ST6GALNAC5: variants seen among roughly 807,000 people sequenced by gnomAD.
ST6GALNAC5 encodes alpha-N-acetylgalactosaminide alpha-2,6-sialyltransferase 5.
A neutral mutation model predicts 33.6 loss-of-function variants in ST6GALNAC5; 27 were observed. That is an observed-to-expected ratio of 0.80 (90% CI 0.59 to 1.11). The LOEUF is 1.11. Among genes scored for constraint, ST6GALNAC5 ranks in the 50% least tolerant of loss-of-function variants. The probability of loss-of-function intolerance (pLI) is 0.00; values close to 1 mark genes in which losing one functional copy is unlikely to be tolerated. For missense variants in ST6GALNAC5, 428 were observed against 454.0 expected, an observed-to-expected ratio of 0.94 and a Z score of 0.52; for synonymous variants, 194 against 171.2, an observed-to-expected ratio of 1.13 and a Z score of -1.04.
At chr1:77,052,354 G>A (rs1243173535) in intron 4 of ST6GALNAC5, among the ~76,000 whole-genome samples, 3 of 152,186 alleles carry the variant, frequency 2.0e-5, no homozygotes, top group African/African-American at 4.8e-5. Flanking sequence ...GCATTTCCAG[G>A]ACATGTTGAC....
chr1:77,025,799 T>A (rs1651208744), intron 2 of ST6GALNAC5, among the ~76,000 whole-genome samples: 1 of 151,966 alleles, frequency 6.6e-6, no homozygotes, highest in South Asian at 2.1e-4. Flanking sequence ...CTGCCCCTCC[T>A]CCAGGCAGTC....
intron 2 of ST6GALNAC5, among the ~76,000 whole-genome samples, chr1:76,991,702 A>G (rs1227849325): frequency 6.6e-6 from 1 of 152,060 alleles, no homozygotes; most frequent in Non-Finnish European, 1.5e-5. Context: ...GCCCTCCCTT[A>G]TGAATTCTCA....
chr1:76,961,859 C>T (rs546552969), intron 2 of ST6GALNAC5, among the ~76,000 whole-genome samples: 2 of 152,248 alleles, frequency 1.3e-5, no homozygotes, highest in East Asian at 3.9e-4. Context: ...TAATAATGTT[C>T]TTCTCCCTAC....
intron 4 of ST6GALNAC5, among the ~76,000 whole-genome samples, chr1:77,062,377 G>T (rs1051018605): frequency 2.2e-4 from 33 of 152,184 alleles, no homozygotes; most frequent in African/African-American, 7.0e-4. Context: ...AAGGTGAGGA[G>T]TGAACTCAGA....
intron 2 of ST6GALNAC5, among the ~76,000 whole-genome samples, chr1:76,945,067 G>T (rs1377807753): frequency 6.6e-6 from 1 of 152,054 alleles, no homozygotes; most frequent in African/African-American, 2.4e-5. Flanking sequence ...GAGTCAGTGG[G>T]TAAAATGGCT....
intron 2 of ST6GALNAC5, among the ~76,000 whole-genome samples, chr1:76,939,714 CCTT>C (rs1647282839): frequency 6.6e-6 from 1 of 152,056 alleles, no homozygotes; most frequent in Admixed American, 6.6e-5. Flanking sequence ...ATACATTAGA[CCTT>C]CATTCATTCC....
At chr1:76,910,092 G>GT (rs1646896671) in intron 2 of ST6GALNAC5, among the ~76,000 whole-genome samples, 1 of 151,990 alleles carries the variant, frequency 6.6e-6, no homozygotes, top group Non-Finnish European at 1.5e-5. Context: ...GTCTCCCAGT[G>GT]TAACATGTTT....
intron 2 of ST6GALNAC5, among the ~76,000 whole-genome samples, chr1:76,996,081 G>A (rs1649927910): frequency 6.6e-6 from 1 of 152,192 alleles, no homozygotes; most frequent in Non-Finnish European, 1.5e-5. Context: ...TGACAAGCAT[G>A]ATTGTCCCCC....
intron 2 of ST6GALNAC5, among the ~76,000 whole-genome samples, chr1:76,978,284 C>G (rs79962617): frequency 0.018 from 2,815 of 152,234 alleles, 39 homozygotes; most frequent in Middle Eastern, 0.044. Context: ...TTTTTTCACT[C>G]TGATTTTTTT....
intron 2 of ST6GALNAC5, among the ~76,000 whole-genome samples, chr1:77,031,320 T>C (rs1651444483): frequency 6.6e-6 from 1 of 152,238 alleles, no homozygotes. Flanking sequence ...TGTTTACTCA[T>C]GTGTTTCCAG....
chr1:77,045,040 G>T (rs1651962985), intron 3 of ST6GALNAC5, among the ~76,000 whole-genome samples: 1 of 152,144 alleles, frequency 6.6e-6, no homozygotes, highest in Admixed American at 6.5e-5. Context: ...TCATCACTGT[G>T]CTTGGCCCTG....
chr1:77,050,491 A>C (rs1652184691), intron 4 of ST6GALNAC5, 126 bp downstream of exon 4: 1 of 787,300 alleles, frequency 1.3e-6, no homozygotes, highest in African/African-American at 1.7e-5. Context: ...AGCATGTCCC[A>C]AGTTCTCATT....
rs1268101372 is a variant in ST6GALNAC5 at position 77,064,252 on chromosome 1, A to G, written c.*1046A>G. ...GTGATGGGGCCCCAACAGTAGCAGGAACTTTATTTTGGGGAGCCTTATCTA... is the reference window on the plus strand; with the variant it reads ...GTGATGGGGCCCCAACAGTAGCAGGGACTTTATTTTGGGGAGCCTTATCTA... On this transcript the variant is annotated 3_prime_UTR_variant, in exon 5 of 5. Transcript: ENST00000477717. 6 of 152,032 alleles carry G rather than the reference A, an allele frequency of 3.9e-5. No homozygotes were observed. Among genetic ancestry groups the G allele is most frequent in the Non-Finnish European group, 5.9e-5 (4 of 68,006 alleles). 9.4% of individuals were successfully genotyped at this position (152,032 alleles called of 1,614,324 possible).
intron 2 of ST6GALNAC5, among the ~76,000 whole-genome samples, chr1:77,030,552 T>C (rs1442621597): frequency 6.6e-6 from 1 of 151,990 alleles, no homozygotes; most frequent in Non-Finnish European, 1.5e-5. Flanking sequence ...CTCCAGGGAG[T>C]TGGAATCCAG....
chr1:76,933,900 T>C (rs1315886632), intron 2 of ST6GALNAC5, among the ~76,000 whole-genome samples: 1 of 151,798 alleles, frequency 6.6e-6, no homozygotes, highest in Admixed American at 6.6e-5. Flanking sequence ...GCAACAGGAC[T>C]CTCTCCTGCC....
At chr1:76,929,215 C>G (rs1647113240) in intron 2 of ST6GALNAC5, among the ~76,000 whole-genome samples, 3 of 151,950 alleles carry the variant, frequency 2.0e-5, no homozygotes, top group Admixed American at 1.3e-4. Flanking sequence ...AATCAAATCT[C>G]CCCTCATATT....
chr1:77,051,023 C>A (rs1380057404), intron 4 of ST6GALNAC5, among the ~76,000 whole-genome samples: 1 of 152,110 alleles, frequency 6.6e-6, no homozygotes, highest in Admixed American at 6.6e-5. Flanking sequence ...AATAGTGAGA[C>A]CAGAAATTCC....
chr1:76,887,104 A>T (rs529265718), intron 2 of ST6GALNAC5, among the ~76,000 whole-genome samples: 33 of 152,258 alleles, frequency 2.2e-4, no homozygotes, highest in African/African-American at 7.9e-4. Context: ...TCTCATATCC[A>T]TGGAGGCCGT....
intron 2 of ST6GALNAC5, among the ~76,000 whole-genome samples, chr1:76,902,014 C>T (rs1052046358): frequency 3.3e-5 from 5 of 151,888 alleles, no homozygotes; most frequent in African/African-American, 1.2e-4. Flanking sequence ...TTCTCATATC[C>T]AGAAAAGTGT....
Sources: gnomAD v4.1 joint callset for allele counts (sites outside exome capture counted in the v4.1 genomes callset) on GRCh38, gnomAD v4.1.1 for gene constraint, MANE v1.5 for transcripts, NCBI Gene and HGNC (gene_info 2026-07-23, HGNC 2026-07-21) for gene names.